TMEM244: variants seen among roughly 807,000 people sequenced by gnomAD.
TMEM244 encodes the protein putative transmembrane protein 244.
In TMEM244, 13 loss-of-function variants were observed where a neutral mutation model predicts 15.8. The observed-to-expected ratio is 0.82, with a 90% confidence interval of 0.53 to 1.30. The LOEUF (loss-of-function observed/expected upper bound fraction) is 1.30, where lower values mean the gene tolerates loss of function less well. TMEM244 is among the 50% of genes most tolerant of loss of function. TMEM244 has a pLI of 0.00. For missense variants in TMEM244, 161 were observed against 144.9 expected (o/e 1.11, Z -0.57); for synonymous variants, 45 against 48.7 (o/e 0.92, Z 0.32).
intron 1 of TMEM244, among the ~76,000 whole-genome samples, chr6:129,850,889 A>T (rs1368085961): frequency 1.3e-5 from 2 of 152,182 alleles, no homozygotes; most frequent in East Asian, 1.9e-4. Flanking sequence ...GCCACGGTGG[A>T]CAAGACAGTT....
chr6:129,833,122 A>C (rs1355448872), intron 4 of TMEM244, among the ~76,000 whole-genome samples: 1 of 152,224 alleles, frequency 6.6e-6, no homozygotes, highest in Non-Finnish European at 1.5e-5. Flanking sequence ...TTAATTTATT[A>C]GTTTTGAAAA....
At chr6:129,861,094 T>A in intron 1 of TMEM244, 62 bp downstream of exon 1, 1 of 1,581,446 alleles carries the variant, frequency 6.3e-7, no homozygotes, top group East Asian at 2.2e-5. Context: ...ATAGAACATA[T>A]TCATTTACAC....
rs576373199 is a variant in TMEM244 at position 129,857,802 on chromosome 6, A to G, written c.33+3354T>C. Among the ~76,000 whole-genome samples the G allele has an allele frequency of 1.5e-4, 23 of 150,366 alleles. 1 individual carries two copies. In the South Asian group the frequency reaches 4.6e-3, roughly 30 times the overall value. On this transcript the variant is annotated intron_variant, in intron 1 of 4. Coordinates refer to ENST00000368143, the MANE Select transcript of TMEM244 (RefSeq NM_001010876.2). ...TGTGTGTGTATGTGTGGTTTTTTAT[A>G]TATATATATACACACATATATATAT... is the stretch of plus-strand genomic sequence containing the variant.
chr6:129,836,191 C>T (rs1371303759), intron 3 of TMEM244, among the ~76,000 whole-genome samples: 4 of 152,240 alleles, frequency 2.6e-5, no homozygotes, highest in African/African-American at 7.2e-5. Context: ...CAGGCAGGTG[C>T]CCCTCTGGGA....
rs1270132252 is a variant in TMEM244, at chr6:129,861,169, A to G, written c.20T>C (p.Val7Ala). The change falls in exon 1 of 5, where the codon GTT (valine) becomes GCT (alanine). Residue 7 changes from valine to alanine, a missense_variant. Coordinates refer to ENST00000368143, the MANE Select transcript of TMEM244 (RefSeq NM_001010876.2). MALQVR[V>A]APSKVVLQKF... ...ATTTCTCTTTACCTTGCTTGGAGCA[A>G]CTCTGACCTGGAGAGCCATGTACAC... 3.1e-6 allele frequency: 5 copies of G among 1,613,772 alleles called. No homozygotes were observed. In the South Asian group the frequency reaches 4.4e-5, roughly 14 times the overall value.
chr6:129,843,651 A>T (rs561560994), intron 2 of TMEM244, 48 bp from the exon 3 acceptor site: 1 of 1,318,246 alleles, frequency 7.6e-7, no homozygotes, highest in African/African-American at 1.5e-5. Context: ...GAGGCAGTTC[A>T]TAACAGCACA....
chr6:129,840,393 C>T (rs556407252), intron 3 of TMEM244, among the ~76,000 whole-genome samples: 1 of 152,200 alleles, frequency 6.6e-6, no homozygotes, highest in South Asian at 2.1e-4. Flanking sequence ...AAAACTGAAA[C>T]TGGATGGCTT....
At chr6:129,832,353 C>A (rs1166207576) in intron 4 of TMEM244, among the ~76,000 whole-genome samples, 1 of 152,114 alleles carries the variant, frequency 6.6e-6, no homozygotes, top group African/African-American at 2.4e-5. Flanking sequence ...CCACCTCAGC[C>A]TCCCAGAGTG....
intron 1 of TMEM244, among the ~76,000 whole-genome samples, chr6:129,847,191 T>C (rs1209481789): frequency 6.6e-6 from 1 of 152,058 alleles, no homozygotes; most frequent in Non-Finnish European, 1.5e-5. Context: ...CCAATAAAAA[T>C]AAAAAATGTG....
At chr6:129,859,293 CA>C in intron 1 of TMEM244, among the ~76,000 whole-genome samples, 1 of 152,248 alleles carries the variant, frequency 6.6e-6, no homozygotes, top group South Asian at 2.1e-4. Context: ...TGTATGTTCC[CA>C]ATAGATAATA....
At chr6:129,859,692 T>C (rs1389682535) in intron 1 of TMEM244, among the ~76,000 whole-genome samples, 1 of 152,248 alleles carries the variant, frequency 6.6e-6, no homozygotes, top group Non-Finnish European at 1.5e-5. Flanking sequence ...ATTAATTAAA[T>C]GGCCTTTGGC....
In TMEM244 at chr6:129,855,847, G is replaced by C. The variant is rs139732582; in HGVS notation, c.33+5309C>G. 2.5e-3 allele frequency among the ~76,000 whole-genome samples: 383 copies of C among 152,124 alleles called. 2 individuals are homozygous for C. The highest frequency in any genetic ancestry group is 0.017 in the Middle Eastern group (5 of 294). On this transcript the variant is annotated intron_variant, in intron 1 of 4. Transcript: ENST00000368143. The stretch of plus-strand genomic sequence containing the variant: ...ATTTTCATTGCACTGTTCATCGTTT[G>C]TAATTAATAAGTAATCTGTGGGGTG...
At chr6:129,858,427 C>A (rs1029864710) in intron 1 of TMEM244, among the ~76,000 whole-genome samples, 2 of 152,126 alleles carry the variant, frequency 1.3e-5, no homozygotes, top group Admixed American at 1.3e-4. Flanking sequence ...GTTCCCATTG[C>A]CTACAGTAGC....
intron 4 of TMEM244, 66 bp from the exon 5 acceptor site, chr6:129,831,452 C>A (rs528425649): frequency 6.2e-6 from 7 of 1,131,344 alleles, no homozygotes; most frequent in Admixed American, 3.6e-5. Flanking sequence ...AGAAGAAATA[C>A]GTCTGTTTGG....
chr6:129,855,859 T>C (rs1377484781), intron 1 of TMEM244, among the ~76,000 whole-genome samples: 1 of 152,190 alleles, frequency 6.6e-6, no homozygotes, highest in African/African-American at 2.4e-5. Context: ...AATTAATAAG[T>C]AATCTGTGGG....
intron 1 of TMEM244, among the ~76,000 whole-genome samples, chr6:129,847,551 G>A (rs1404305212): frequency 6.6e-6 from 1 of 152,002 alleles, no homozygotes; most frequent in Non-Finnish European, 1.5e-5. Context: ...TTTTAAATGG[G>A]TGGGATGTGA....
intron 3 of TMEM244, 66 bp downstream of exon 3, chr6:129,843,464 A>C: frequency 1.7e-6 from 2 of 1,163,600 alleles, no homozygotes; most frequent in South Asian, 3.0e-5. Flanking sequence ...TTTTTTATTA[A>C]AAAATTTATG....
chr6:129,855,378 ATTATAACAC>A lies in TMEM244; in HGVS notation c.33+5769_33+5777del, dbSNP rs542984356. ...GGGTATAGTGTCAAGCTAATGTGAC[ATTATAACAC>A]TTTTATTTCTCAATGACAGAAAGTG... On this transcript the variant is annotated intron_variant, in intron 1 of 4. Coordinates refer to ENST00000368143, the MANE Select transcript of TMEM244 (RefSeq NM_001010876.2). Among the ~76,000 whole-genome samples the A allele has an allele frequency of 3.5e-3, 532 of 152,326 alleles. 1 individual carries two copies. The highest frequency in any genetic ancestry group is 0.012 in the African/African-American group (494 of 41,572).
chr6:129,840,437 GA>G (rs1776473435), intron 3 of TMEM244, among the ~76,000 whole-genome samples: 1 of 152,134 alleles, frequency 6.6e-6, no homozygotes, highest in African/African-American at 2.4e-5. Flanking sequence ...ACTCAAGATG[GA>G]TAAAGACTTA....
Sources: allele counts gnomAD v4.1 joint callset (sites outside exome capture counted in the v4.1 genomes callset), GRCh38; gene constraint gnomAD v4.1.1; transcripts MANE v1.5; gene names NCBI Gene and HGNC (gene_info 2026-07-23, HGNC 2026-07-21).